EBF4: variants seen among roughly 807,000 people sequenced by gnomAD.
The protein encoded by EBF4 is transcription factor COE4.
In EBF4, 34 loss-of-function variants were observed where a neutral mutation model predicts 67.1. The observed-to-expected ratio is 0.51, with a 90% CI of 0.39 to 0.67. The LOEUF is 0.67. Ranked by LOEUF, EBF4 falls within the 30% of genes least tolerant of loss-of-function variation. The pLI is 0.00. For missense variants in EBF4, 837 were observed against 873.3 expected, an observed-to-expected ratio of 0.96 and a Z score of 0.52; for synonymous variants, 387 against 377.7, an observed-to-expected ratio of 1.02 and a Z score of -0.29.
chr20:2,746,282 A>G (rs951774875), intron 6 of EBF4, among the ~76,000 whole-genome samples: 2 of 152,142 alleles, frequency 1.3e-5, no homozygotes, highest in African/African-American at 4.8e-5. Flanking sequence ...GGGGTGACCC[A>G]TAGGGATATA....
At chr20:2,715,977 G>A (rs1371131425) in intron 6 of EBF4, among the ~76,000 whole-genome samples, 1 of 151,850 alleles carries the variant, frequency 6.6e-6, no homozygotes, top group Non-Finnish European at 1.5e-5. Flanking sequence ...TCGAACTCCT[G>A]ACCTCAAGTG....
intron 1 of EBF4, among the ~76,000 whole-genome samples, chr20:2,702,675 G>T (rs142183110): frequency 8.0e-4 from 122 of 152,310 alleles, no homozygotes; most frequent in African/African-American, 2.9e-3. Context: ...CCAAGTAAAA[G>T]AATAAATTGA....
In EBF4 at chr20:2,739,782, C is replaced by A. The variant is rs779378472; in HGVS notation, c.558-8767C>A. Reference sequence around the variant, plus strand: ...TTTAGGATAAAAATTAGCGGAGATCCCTGTCCCCTTATTTCCCCATCTCAG... The same window carrying A: ...TTTAGGATAAAAATTAGCGGAGATCACTGTCCCCTTATTTCCCCATCTCAG... On this transcript the variant is annotated intron_variant, in intron 6 of 16. Transcript: ENST00000609451. The surrounding 1 kb of genome is among the most constrained non-coding windows in gnomAD (Gnocchi z 4.5). Among the ~76,000 whole-genome samples, 1 of 152,174 alleles carries A rather than the reference C, an allele frequency of 6.6e-6. No homozygotes were observed. Among genetic ancestry groups the A allele is most frequent in the Non-Finnish European group, 1.5e-5 (1 of 68,032 alleles).
chr20:2,749,674 G>T, exon 9 of EBF4: 1 of 1,567,716 alleles, frequency 6.4e-7, no homozygotes, highest in Non-Finnish European at 8.6e-7. Flanking sequence ...ACCACGGGCG[G>T]CGCCACCGTC....
At chr20:2,694,312 T>C (rs1307027598) in intron 1 of EBF4, among the ~76,000 whole-genome samples, 1 of 152,130 alleles carries the variant, frequency 6.6e-6, no homozygotes, top group Admixed American at 6.5e-5. Flanking sequence ...AGGTGGGCAG[T>C]CGGCCTGGCT....
chr20:2,727,417 A>G (rs1340360674), intron 6 of EBF4, among the ~76,000 whole-genome samples: 2 of 152,162 alleles, frequency 1.3e-5, no homozygotes, highest in African/African-American at 4.8e-5. Flanking sequence ...TGAATACTCA[A>G]GTGCCACAGT....
rs1468182486 is a variant in EBF4, at chr20:2,751,930, G to C, written c.1116G>C (p.Leu372=). The change falls in exon 12 of 17, where the codon CTG becomes CTC. Residue 372 remains leucine (L), a synonymous_variant. Coordinates refer to ENST00000609451, the Ensembl canonical transcript of EBF4. The surrounding 1 kb of genome is among the most constrained non-coding windows in gnomAD (Gnocchi z 5.2). Reference sequence around the variant, plus strand: ...TCTCCCCCTGTCCCCAGGAAGTGCTGCTGAAGCGGGCGGCCGACTTGGCAG... The same window carrying C: ...TCTCCCCCTGTCCCCAGGAAGTGCTCCTGAAGCGGGCGGCCGACTTGGCAG... The C allele has an allele frequency of 6.5e-7, 1 of 1,548,862 alleles. No homozygotes were observed. The highest frequency in any genetic ancestry group is 1.4e-5 in the African/African-American group (1 of 73,002).
At chr20:2,740,461 C>T (rs148639452) in intron 6 of EBF4, among the ~76,000 whole-genome samples, 65 of 152,328 alleles carry the variant, frequency 4.3e-4, no homozygotes, top group Admixed American at 1.3e-3. Context: ...AATCTAGACA[C>T]GTTCTTCCTT....
chr20:2,756,233 T>C lies in EBF4; in HGVS notation c.1738+409T>C, dbSNP rs1231556084. ...GGTAGCACACACCACTGTGAGGGAC[T>C]GGGTCGCTGACCATGGAAGGGGACT... On this transcript the variant is annotated intron_variant, in intron 15 of 16. Coordinates refer to ENST00000609451, the Ensembl canonical transcript of EBF4. The surrounding 1 kb of genome is among the most constrained non-coding windows in gnomAD (Gnocchi z 4.5). Among the ~76,000 whole-genome samples the C allele has an allele frequency of 6.6e-6, 1 of 152,254 alleles. No individual in the cohort carries two copies. The highest frequency in any genetic ancestry group is 2.4e-5 in the African/African-American group (1 of 41,470).
Position 2,751,662 on chromosome 20 carries a change from CG to C in EBF4, c.1019-33del. ...GTCTCACCCTGGGAGTGGGGGGCTG[CG>C]GGGGAGACGTCCTCCAAACGCCGCC... On this transcript the variant is annotated intron_variant, in intron 10 of 16. Coordinates refer to ENST00000609451, the Ensembl canonical transcript of EBF4. The surrounding 1 kb of genome is among the most constrained non-coding windows in gnomAD (Gnocchi z 5.2). The C allele has an allele frequency of 6.5e-7, 1 of 1,543,434 alleles. No individual in the cohort carries two copies. Among genetic ancestry groups the C allele is most frequent in the Non-Finnish European group, 8.8e-7 (1 of 1,140,834 alleles).
intron 1 of EBF4, among the ~76,000 whole-genome samples, chr20:2,694,805 G>T (rs1304847536): frequency 6.6e-6 from 1 of 152,098 alleles, no homozygotes; most frequent in East Asian, 1.9e-4. Flanking sequence ...GACACACACC[G>T]CGCTTCATGT....
intron 6 of EBF4, among the ~76,000 whole-genome samples, chr20:2,744,485 T>TC (rs2088018415): frequency 2.0e-5 from 2 of 97,918 alleles, no homozygotes; most frequent in African/African-American, 6.0e-5. Context: ...TTTTCTTTTT[T>TC]TCTTTTCTTT....
chr20:2,700,364 G>A (rs1338890090), intron 1 of EBF4, among the ~76,000 whole-genome samples: 1 of 152,086 alleles, frequency 6.6e-6, no homozygotes, highest in East Asian at 1.9e-4. Flanking sequence ...AGGCTTCAGA[G>A]GCTCTATTCC....
At chr20:2,752,879 G>A (rs1222414064) in intron 14 of EBF4, among the ~76,000 whole-genome samples, 2 of 152,206 alleles carry the variant, frequency 1.3e-5, no homozygotes, top group African/African-American at 4.8e-5. Flanking sequence ...TGAAACCTGG[G>A]ACACCGCCCC....
At chr20:2,712,844 A>C (rs1348655014) in intron 6 of EBF4, among the ~76,000 whole-genome samples, 1 of 152,172 alleles carries the variant, frequency 6.6e-6, no homozygotes, top group Non-Finnish European at 1.5e-5. Flanking sequence ...AAAATGTTCC[A>C]AGAAGGAGGC....
Position 2,751,203 on chromosome 20 carries a change from C to A in EBF4, c.1019-497C>A, listed in dbSNP as rs1441884808. ...CATCCTCCCGCCCCAGCCCAAGCCA[C>A]CCACTTCTCCAGTTGCTTCCCTGGG... On this transcript the variant is annotated intron_variant, in intron 10 of 16. Transcript: ENST00000609451. This position sits in a 1 kb window ranked among gnomAD's most constrained non-coding sequence, Gnocchi z 5.2. 6.6e-6 allele frequency among the ~76,000 whole-genome samples: 1 copy of A among 152,216 alleles called. No homozygotes were observed. Among genetic ancestry groups the A allele is most frequent in the Non-Finnish European group, 1.5e-5 (1 of 68,048 alleles).
chr20:2,752,678 C>CGGTGGGCCTGACCCCG, intron 14 of EBF4, 133 bp downstream of exon 14: 1 of 791,082 alleles, frequency 1.3e-6, no homozygotes, highest in Non-Finnish European at 1.7e-6. Flanking sequence ...CCCTCGGGGT[C>CGGTGGGCCTGACCCCG]AGGCCCACCG....
intron 6 of EBF4, among the ~76,000 whole-genome samples, chr20:2,746,411 T>C (rs191070873): frequency 4.5e-4 from 68 of 152,118 alleles, no homozygotes; most frequent in Non-Finnish European, 8.5e-4. Flanking sequence ...TTGGGAAATA[T>C]AGGGGGTGCC....
chr20:2,706,502 G>T (rs150502372), intron 4 of EBF4, among the ~76,000 whole-genome samples: 353 of 152,286 alleles, frequency 2.3e-3, no homozygotes, highest in African/African-American at 8.1e-3. Flanking sequence ...TTTCCTAGCA[G>T]CCCAGCCTTA....
Sources: gnomAD v4.1 joint callset for allele counts (sites outside exome capture counted in the v4.1 genomes callset) on GRCh38, gnomAD v4.1.1 for gene constraint, Gnocchi (gnomAD v3.1) non-coding constraint, MANE v1.5 for transcripts, NCBI Gene and HGNC (gene_info 2026-07-23, HGNC 2026-07-21) for gene names.